The following CDH17 variants were observed in gnomAD, a reference collection of about 807,000 sequenced individuals.
CDH17 encodes the protein cadherin 17, also known as cadherin-17.
Under a neutral mutation model 86.3 loss-of-function variants are expected in CDH17, and 67 were observed. That is an observed-to-expected ratio of 0.78 (90% CI 0.64 to 0.95). CDH17 has a LOEUF of 0.95. Ranked by LOEUF, CDH17 falls within the 40% of genes least tolerant of loss-of-function variation. The pLI, the probability that CDH17 is intolerant of heterozygous loss-of-function variation, is 0.00. For missense variants in CDH17, 993 were observed against 1,017.6 expected (o/e 0.98, Z 0.33); for synonymous variants, 367 against 366.4 (o/e 1.00, Z -0.02).
chr8:94,162,523 C>T (rs994972001), intron 10 of CDH17, among the ~76,000 whole-genome samples: 1 of 152,184 alleles, frequency 6.6e-6, no homozygotes, highest in Non-Finnish European at 1.5e-5. Flanking sequence ...AAGTCCAGAG[C>T]AAAACTGTCC....
chr8:94,176,688 G>A lies in CDH17; in HGVS notation c.286-9C>T, dbSNP rs67774240. 99,884 of 1,606,276 alleles carry A rather than the reference G, an allele frequency of 0.062. 5,750 individuals carry two copies. Among genetic ancestry groups the A allele is most frequent in the African/African-American group, 0.3 (22,446 of 74,388 alleles). On this transcript the variant is annotated splice_polypyrimidine_tract_variant and intron_variant, in intron 4 of 17. Transcript: ENST00000027335. ...GCGTCCAGGGCTGCAACCTGATGTT[G>A]AGGAAAAGGAAACCATGTTGGTGAG...
Position 94,130,694 on chromosome 8 carries a change from C to A in CDH17, c.2330G>T (p.Gly777Val), listed in dbSNP as rs769285229. 3.1e-6 allele frequency: 5 copies of A among 1,614,020 alleles called. No homozygotes were observed. In the South Asian group the frequency reaches 4.4e-5, roughly 14 times the overall value. Residue 777 changes from glycine to valine, a missense_variant, in exon 17 of 18, where the codon GGT becomes GTT. Physicochemically the swap from Gly to Val is moderately radical, Grantham distance 109 (BLOSUM62 -3). Coordinates refer to ENST00000027335, the MANE Select transcript of CDH17 (RefSeq NM_004063.4). ...CVEGSCFRPAGHQTGIPTVGM... is the reference protein window; with the variant it reads ...CVEGSCFRPAVHQTGIPTVGM... The stretch of plus-strand genomic sequence containing the variant: ...CACAGTGGGTATCCCAGTCTGGTGA[C>A]CTGCTGGCCGGAAACAACTTCCTTC...
At chr8:94,217,015 C>A (rs1355097131) in intron 1 of CDH17, among the ~76,000 whole-genome samples, 1 of 152,110 alleles carries the variant, frequency 6.6e-6, no homozygotes, top group African/African-American at 2.4e-5. Context: ...CACAGCAACA[C>A]GGGAAGGTAT....
At chr8:94,195,001 GTTTGTTTTGGGGTT>G (rs1382504967) in intron 1 of CDH17, among the ~76,000 whole-genome samples, 1 of 152,172 alleles carries the variant, frequency 6.6e-6, no homozygotes, top group Non-Finnish European at 1.5e-5. Context: ...GGCAATGAGT[GTTTGTTTTGGGGTT>G]TTTGGAAACG....
chr8:94,179,335 A>T (rs537008437), intron 3 of CDH17, among the ~76,000 whole-genome samples: 2 of 152,350 alleles, frequency 1.3e-5, no homozygotes, highest in African/African-American at 4.8e-5. Context: ...TGTTGAAAAC[A>T]ACCATTAGCA....
intron 12 of CDH17, among the ~76,000 whole-genome samples, chr8:94,154,665 C>T (rs999751501): frequency 2.6e-4 from 39 of 152,284 alleles, no homozygotes; most frequent in African/African-American, 8.9e-4. Flanking sequence ...TTCTCCGTGT[C>T]GGCTTCCTGA....
At chr8:94,137,873 A>C (rs1322275791) in intron 15 of CDH17, among the ~76,000 whole-genome samples, 1 of 152,202 alleles carries the variant, frequency 6.6e-6, no homozygotes, top group Non-Finnish European at 1.5e-5. Flanking sequence ...TCTGCAAATA[A>C]TGGGGATCGA....
intron 11 of CDH17, 46 bp from the exon 12 acceptor site, chr8:94,160,208 T>C: frequency 4.8e-6 from 7 of 1,465,828 alleles, no homozygotes; most frequent in Non-Finnish European, 6.5e-6. Context: ...TCTGCTGTCA[T>C]CAAAGCCAAA....
chr8:94,206,174 A>G (rs149138093), intron 1 of CDH17, among the ~76,000 whole-genome samples: 3 of 152,230 alleles, frequency 2.0e-5, no homozygotes, highest in African/African-American at 4.8e-5. Flanking sequence ...GTGAAAAAAA[A>G]AAATCAACTT....
intron 13 of CDH17, 57 bp from the exon 14 acceptor site, chr8:94,148,931 A>G (rs920349679): frequency 5.2e-6 from 8 of 1,526,538 alleles, no homozygotes; most frequent in Non-Finnish European, 6.2e-6. Flanking sequence ...GAAAATGTGA[A>G]GCTAGTTTGT....
chr8:94,192,971 C>T (rs1387702854), intron 2 of CDH17, among the ~76,000 whole-genome samples: 1 of 152,160 alleles, frequency 6.6e-6, no homozygotes, highest in African/African-American at 2.4e-5. Flanking sequence ...AGCAAACTTC[C>T]AGTCTTCATA....
At chr8:94,138,387 G>C (rs150622066) in intron 15 of CDH17, among the ~76,000 whole-genome samples, 89 of 152,278 alleles carry the variant, frequency 5.8e-4, no homozygotes, top group African/African-American at 2.0e-3. Flanking sequence ...AGCAAATGAG[G>C]TAAATTTTAT....
intron 1 of CDH17, among the ~76,000 whole-genome samples, chr8:94,199,037 TGATATATA>T (rs1395363086): frequency 8.3e-5 from 7 of 84,400 alleles, no homozygotes; most frequent in African/African-American, 2.4e-4. Context: ...CAGTTCTGAT[TGATATATA>T]TATATATATA....
At chr8:94,142,554 C>A (rs1234981774) in intron 15 of CDH17, among the ~76,000 whole-genome samples, 1 of 152,122 alleles carries the variant, frequency 6.6e-6, no homozygotes, top group East Asian at 1.9e-4. Context: ...ATGAGAGAGC[C>A]CTCTGTATAG....
At chr8:94,149,019 A>G in intron 13 of CDH17, 145 bp from the exon 14 acceptor site, 1 of 537,870 alleles carries the variant, frequency 1.9e-6, no homozygotes, top group Non-Finnish European at 3.1e-6. Context: ...GATTATCATT[A>G]TCAGCATTAC....
intron 3 of CDH17, among the ~76,000 whole-genome samples, chr8:94,178,083 C>T (rs927021109): frequency 6.6e-6 from 1 of 152,142 alleles, no homozygotes; most frequent in Non-Finnish European, 1.5e-5. Flanking sequence ...TGTCATTTAG[C>T]ACTTCTAAAA....
chr8:94,130,800 T>C, intron 16 of CDH17, 61 bp from the exon 17 acceptor site: 1 of 1,518,372 alleles, frequency 6.6e-7, no homozygotes, highest in East Asian at 2.3e-5. Context: ...CAGAATCCCA[T>C]ATCAAAGACA....
intron 13 of CDH17, among the ~76,000 whole-genome samples, chr8:94,149,232 G>C (rs1812812471): frequency 6.6e-6 from 1 of 152,084 alleles, no homozygotes; most frequent in Non-Finnish European, 1.5e-5. Context: ...AAGTAACCTG[G>C]AAGTATCTTT....
At chr8:94,187,136 A>G (rs1813596430) in intron 3 of CDH17, among the ~76,000 whole-genome samples, 1 of 152,260 alleles carries the variant, frequency 6.6e-6, no homozygotes, top group Non-Finnish European at 1.5e-5. Flanking sequence ...CACCACAAAA[A>G]AGAGATAAGT....
Sources: gnomAD v4.1 joint callset for allele counts (sites outside exome capture counted in the v4.1 genomes callset) on GRCh38, gnomAD v4.1.1 for gene constraint, MANE v1.5 for transcripts, NCBI Gene and HGNC (gene_info 2026-07-23, HGNC 2026-07-21) for gene names.